COL26A1: variants seen among roughly 807,000 people sequenced by gnomAD.
COL26A1 encodes the protein collagen alpha-1(XXVI) chain.
COL26A1 carries 41 observed loss-of-function variants against 59.3 expected under a neutral mutation model. That is an observed-to-expected ratio of 0.69 (90% CI 0.54 to 0.90). The LOEUF is 0.90. Among genes scored for constraint, COL26A1 ranks in the 40% least tolerant of loss-of-function variants. COL26A1 has a pLI of 0.00. For missense variants in COL26A1, 612 were observed against 602.3 expected (o/e 1.02, Z -0.17); for synonymous variants, 266 against 256.0 (o/e 1.04, Z -0.37).
At chr7:101,401,736 AAGGAGGAGGAAGAGGAGGAAGAGG>A (rs1337674147) in intron 1 of COL26A1, among the ~76,000 whole-genome samples, 3 of 132,740 alleles carry the variant, frequency 2.3e-5, no homozygotes, top group Non-Finnish European at 4.8e-5. Context: ...GAAGGAAGAG[AAGGAGGAGGAAGAGGAGGAAGAGG>A]AGGAGGGAGA....
At chr7:101,514,246 GA>G (rs1377554827) in intron 3 of COL26A1, among the ~76,000 whole-genome samples, 1 of 152,080 alleles carries the variant, frequency 6.6e-6, no homozygotes, top group African/African-American at 2.4e-5. Context: ...GTTGAGGCAG[GA>G]GAATTGCTTG....
At chr7:101,552,330 G>A (rs1160248366) in intron 10 of COL26A1, among the ~76,000 whole-genome samples, 1 of 152,178 alleles carries the variant, frequency 6.6e-6, no homozygotes, top group African/African-American at 2.4e-5. Flanking sequence ...TGTGAGCTGG[G>A]CATGGTGGTG....
At chr7:101,536,127 C>T (rs1045516905) in intron 4 of COL26A1, among the ~76,000 whole-genome samples, 7 of 152,164 alleles carry the variant, frequency 4.6e-5, no homozygotes, top group South Asian at 2.1e-4. Context: ...GTGATTCTCC[C>T]GCCTCAGCCT....
chr7:101,476,407 G>A (rs1027974040), intron 3 of COL26A1, among the ~76,000 whole-genome samples: 23 of 152,114 alleles, frequency 1.5e-4, no homozygotes, highest in Admixed American at 5.2e-4. Context: ...TTATCAATTC[G>A]GGCAGTCTTC....
chr7:101,459,512 G>A (rs565735975), intron 3 of COL26A1, among the ~76,000 whole-genome samples: 1 of 138,364 alleles, frequency 7.2e-6, no homozygotes, highest in African/African-American at 2.8e-5. Flanking sequence ...ATTTCATCGT[G>A]TTAGCCAGGA....
At position 101,545,425 on chromosome 7, in the gene COL26A1, C is replaced by T. The variant is rs1414925939; in HGVS notation, c.791C>T (p.Pro264Leu). 1.2e-6 allele frequency: 2 copies of T among 1,608,276 alleles called. No individual in the cohort carries two copies. The highest frequency in any genetic ancestry group is 1.7e-6 in the Non-Finnish European group (2 of 1,178,006). The change falls in exon 7 of 13, where the codon CCA becomes CTA. Residue 264 changes from proline (P) to leucine (L), a missense_variant. Coordinates refer to ENST00000313669, the MANE Select transcript of COL26A1 (RefSeq NM_001278563.3). The stretch of plus-strand genomic sequence containing the variant: ...GGACCACCCGGCCCAGCAGGCAACC[C>T]AGGCCCCTCACCAAACAGCCCCCAG... Reference protein sequence around the residue: ...PPGPPGPAGNPGPSPNSPQGA... With the variant: ...PPGPPGPAGNLGPSPNSPQGA...
intron 3 of COL26A1, among the ~76,000 whole-genome samples, chr7:101,448,723 A>C (rs1793260038): frequency 6.6e-6 from 1 of 151,852 alleles, no homozygotes; most frequent in South Asian, 2.1e-4. Flanking sequence ...AACTCCTTGG[A>C]TCAAGCGATC....
rs1449104732 is a variant in COL26A1, at chr7:101,375,981, A to G, written c.158+12791A>G. On this transcript the variant is annotated intron_variant, in intron 1 of 12. Transcript: ENST00000313669. ...AGCCTGGGCGAAAGAGTGAGACTCC[A>G]TCTCAAAGAAAAAAAAAAAAAAAAA... 2.6e-3 allele frequency among the ~76,000 whole-genome samples: 230 copies of G among 86,890 alleles called. 1 individual carries two copies. The highest frequency in any genetic ancestry group is 9.2e-3 in the African/African-American group (227 of 24,652). 57.0% of individuals were successfully genotyped at this position (86,890 alleles called of 152,430 possible). A position where few individuals can be genotyped will look rare whatever the true frequency, so the allele number is the denominator to read the frequency against.
At chr7:101,372,122 C>T (rs536061965) in intron 1 of COL26A1, among the ~76,000 whole-genome samples, 11 of 152,192 alleles carry the variant, frequency 7.2e-5, no homozygotes, top group South Asian at 4.2e-4. Context: ...GTTGCAAGGA[C>T]GGGGGAGTTC....
At chr7:101,445,498 G>A (rs1195563447) in intron 2 of COL26A1, among the ~76,000 whole-genome samples, 3 of 151,584 alleles carry the variant, frequency 2.0e-5, no homozygotes, top group East Asian at 2.0e-4. Context: ...TTGGGAGGCC[G>A]AGGCGGGCGG....
In COL26A1 at chr7:101,413,022, G is replaced by A. The variant is rs191460864; in HGVS notation, c.159-6955G>A. Among the ~76,000 whole-genome samples, 595 of 152,270 alleles carry A rather than the reference G, an allele frequency of 3.9e-3. 7 individuals carry two copies. Among genetic ancestry groups the A allele is most frequent in the African/African-American group, 0.013 (540 of 41,564 alleles). On this transcript the variant is annotated intron_variant, in intron 1 of 12. Coordinates refer to ENST00000313669, the MANE Select transcript of COL26A1 (RefSeq NM_001278563.3). ...GAAGTGTCCTGAAGATCTCTCTATC[G>A]CATCATGACATGATTTCCTGAAATC... is the stretch of plus-strand genomic sequence containing the variant.
intron 10 of COL26A1, 70 bp from the exon 11 acceptor site, chr7:101,553,256 G>T: frequency 7.0e-7 from 1 of 1,434,496 alleles, no homozygotes; most frequent in Non-Finnish European, 9.8e-7. Context: ...CAGGCCCCCA[G>T]GGAACTGGAG....
chr7:101,543,951 G>A (rs1795670796), intron 5 of COL26A1, 47 bp from the exon 6 acceptor site: 2 of 1,396,544 alleles, frequency 1.4e-6, no homozygotes, highest in African/African-American at 1.4e-5. Context: ...GCCACTGGAG[G>A]CTGGGGGTCC....
At chr7:101,453,209 A>G (rs536491457) in intron 3 of COL26A1, among the ~76,000 whole-genome samples, 1 of 152,330 alleles carries the variant, frequency 6.6e-6, no homozygotes, top group South Asian at 2.1e-4. Context: ...TCTACTAAAA[A>G]TAGAAAAACT....
At chr7:101,473,652 ACAAAC>A (rs1298420508) in intron 3 of COL26A1, among the ~76,000 whole-genome samples, 2,585 of 140,322 alleles carry the variant, frequency 0.018, 34 homozygotes, top group Non-Finnish European at 0.029. Flanking sequence ...ACACACACAC[ACAAAC>A]ACACACAACA....
At chr7:101,531,837 G>T (rs1397028176) in intron 3 of COL26A1, among the ~76,000 whole-genome samples, 1 of 152,020 alleles carries the variant, frequency 6.6e-6, no homozygotes, top group Non-Finnish European at 1.5e-5. Flanking sequence ...CAAAGACGGG[G>T]ATAGCTCCAA....
chr7:101,450,236 A>G (rs1793298373), intron 3 of COL26A1, among the ~76,000 whole-genome samples: 1 of 151,958 alleles, frequency 6.6e-6, no homozygotes, highest in East Asian at 1.9e-4. Context: ...CTCCCAGTGG[A>G]GTTGTGGACA....
At chr7:101,377,633 C>G (rs1008583862) in intron 1 of COL26A1, among the ~76,000 whole-genome samples, 2 of 151,886 alleles carry the variant, frequency 1.3e-5, no homozygotes, top group African/African-American at 4.8e-5. Context: ...TGCAACGTTG[C>G]CCAAGCTGGT....
At chr7:101,494,315 T>C (rs1318802030) in intron 3 of COL26A1, among the ~76,000 whole-genome samples, 3 of 152,006 alleles carry the variant, frequency 2.0e-5, no homozygotes, top group African/African-American at 7.2e-5. Flanking sequence ...TTAGTAGGGA[T>C]AGGGTTTCAC....
Sources: gnomAD v4.1 joint callset for allele counts (sites outside exome capture counted in the v4.1 genomes callset) on GRCh38, gnomAD v4.1.1 for gene constraint, MANE v1.5 for transcripts, NCBI Gene and HGNC (gene_info 2026-07-23, HGNC 2026-07-21) for gene names.